The following KCNIP3 variants were observed in gnomAD, a reference collection of about 807,000 sequenced individuals.
KCNIP3 encodes the protein calsenilin.
Under a neutral mutation model 35.0 loss-of-function variants are expected in KCNIP3, and 28 were observed. The ratio of observed to expected loss-of-function variants is 0.80; its 90% confidence interval spans 0.59 to 1.10. KCNIP3 has a LOEUF of 1.10. Ranked by LOEUF, KCNIP3 falls within the 50% of genes least tolerant of loss-of-function variation. The probability of loss-of-function intolerance (pLI) is 0.00; values close to 1 mark genes in which losing one functional copy is unlikely to be tolerated. For missense variants in KCNIP3, 295 were observed against 338.4 expected (o/e 0.87, Z 1.01); for synonymous variants, 134 against 133.8 (o/e 1.00, Z -0.01).
chr2:95,374,037 G>A (rs911142537), intron 2 of KCNIP3, among the ~76,000 whole-genome samples: 16 of 152,204 alleles, frequency 1.1e-4, no homozygotes, highest in Non-Finnish European at 2.2e-4. Flanking sequence ...CCCACTGTGC[G>A]GCTGACAGGG....
At chr2:95,371,860 A>C (rs1459435012) in intron 2 of KCNIP3, among the ~76,000 whole-genome samples, 7 of 143,414 alleles carry the variant, frequency 4.9e-5, no homozygotes, top group African/African-American at 1.0e-4. Flanking sequence ...GCTGGAGTGT[A>C]ATGGCGCGAT....
At chr2:95,302,990 T>C (rs1432337260) in intron 1 of KCNIP3, 2 of 152,650 alleles carry the variant, frequency 1.3e-5, no homozygotes, top group African/African-American at 4.8e-5. Context: ...CTGGATACTT[T>C]AACGCAGGTT....
rs1407266541 is a variant in KCNIP3 at position 95,378,821 on chromosome 2, C to T, written c.448-2775C>T. ...ATATATATATATACACACACACACA[C>T]ATATATACACACATATTTATATACA... On this transcript the variant is annotated intron_variant, in intron 5 of 8. Transcript: ENST00000295225. The surrounding 1 kb of genome is among the most constrained non-coding windows in gnomAD (Gnocchi z 4.0). 1.3e-5 allele frequency among the ~76,000 whole-genome samples: 2 copies of T among 150,544 alleles called. No individual in the cohort carries two copies. Among genetic ancestry groups the T allele is most frequent in the African/African-American group, 2.5e-5 (1 of 40,668 alleles).
chr2:95,374,734 C>A, intron 3 of KCNIP3, 114 bp from the exon 4 acceptor site: 4 of 1,264,148 alleles, frequency 3.2e-6, no homozygotes, highest in Non-Finnish European at 4.5e-6. Flanking sequence ...CCCAGCAGTG[C>A]CACAGGCAGC....
intron 2 of KCNIP3, among the ~76,000 whole-genome samples, chr2:95,349,350 C>A (rs1466725582): frequency 3.3e-5 from 5 of 152,190 alleles, no homozygotes. Context: ...GTCTCTTGTC[C>A]TCTCTGAGCC....
chr2:95,335,831 T>G (rs1679047382), intron 2 of KCNIP3, among the ~76,000 whole-genome samples: 1 of 152,238 alleles, frequency 6.6e-6, no homozygotes, highest in African/African-American at 2.4e-5. Flanking sequence ...TTAGACTTTT[T>G]TACTTCGACC....
At chr2:95,328,560 G>A (rs535646227) in intron 2 of KCNIP3, among the ~76,000 whole-genome samples, 3 of 152,380 alleles carry the variant, frequency 2.0e-5, no homozygotes, top group Admixed American at 1.3e-4. Context: ...GCTTAGGTGC[G>A]TGTACCCATG....
intron 2 of KCNIP3, among the ~76,000 whole-genome samples, chr2:95,326,286 C>T (rs1678786673): frequency 6.6e-6 from 1 of 151,900 alleles, no homozygotes; most frequent in Admixed American, 6.6e-5. Flanking sequence ...ACTACACATA[C>T]ACACTCATTA....
intron 2 of KCNIP3, among the ~76,000 whole-genome samples, chr2:95,322,800 C>T (rs1377837057): frequency 6.6e-6 from 1 of 152,206 alleles, no homozygotes; most frequent in Non-Finnish European, 1.5e-5. Flanking sequence ...CGGGACGGGG[C>T]CTGCCTTCAA....
Position 95,383,306 on chromosome 2 carries a change from G to A in KCNIP3, c.723+12G>A, listed in dbSNP as rs551818698. The A allele has an allele frequency of 7.3e-4, 1,169 of 1,612,392 alleles. 16 individuals are homozygous for A. In the South Asian group the frequency reaches 0.012, roughly 17 times the overall value. ...AGGCCTGTCAGAAGGTAGGTGGCAC[G>A]GGAGGCTGGGCCACAGTTCTCTGCA... On this transcript the variant is annotated intron_variant, in intron 8 of 8. Transcript: ENST00000295225.
intron 2 of KCNIP3, among the ~76,000 whole-genome samples, chr2:95,363,537 GTTAT>G (rs575683635): frequency 6.7e-4 from 101 of 151,708 alleles, no homozygotes; most frequent in Non-Finnish European, 9.0e-4. Context: ...CTCCTCCCTT[GTTAT>G]TTTTCTTTTT....
chr2:95,365,630 T>C (rs1679899057), intron 2 of KCNIP3, among the ~76,000 whole-genome samples: 1 of 152,222 alleles, frequency 6.6e-6, no homozygotes, highest in Middle Eastern at 3.4e-3. Flanking sequence ...GGGGAAAATA[T>C]GGTCAAGGAG....
chr2:95,314,170 G>A (rs1678396969), intron 2 of KCNIP3, among the ~76,000 whole-genome samples: 1 of 152,112 alleles, frequency 6.6e-6, no homozygotes, highest in Non-Finnish European at 1.5e-5. Flanking sequence ...AGGGGTAGCA[G>A]AAAGGCATCG....
chr2:95,346,488 G>A (rs1044337833), intron 2 of KCNIP3, among the ~76,000 whole-genome samples: 12 of 149,632 alleles, frequency 8.0e-5, no homozygotes, highest in Non-Finnish European at 1.5e-4. Context: ...GGGCAGGCGC[G>A]GGGGGGCCGC....
chr2:95,328,823 A>G (rs1389292631), intron 2 of KCNIP3, among the ~76,000 whole-genome samples: 1 of 152,148 alleles, frequency 6.6e-6, no homozygotes, highest in Non-Finnish European at 1.5e-5. Flanking sequence ...AGGAAGAAAC[A>G]CAGGTCAGAT....
chr2:95,358,424 G>A (rs1432793867), intron 2 of KCNIP3, among the ~76,000 whole-genome samples: 1 of 152,204 alleles, frequency 6.6e-6, no homozygotes, highest in African/African-American at 2.4e-5. Flanking sequence ...TAGTCTGTCA[G>A]GCTGCTGTAC....
intron 2 of KCNIP3, among the ~76,000 whole-genome samples, chr2:95,339,002 A>T (rs1679128338): frequency 6.6e-6 from 1 of 152,218 alleles, no homozygotes; most frequent in South Asian, 2.1e-4. Flanking sequence ...GTACAGGCCG[A>T]TGGGACACAG....
In KCNIP3 at chr2:95,329,661, G is replaced by C. The variant is rs185159886; in HGVS notation, c.181+19141G>C. On this transcript the variant is annotated intron_variant, in intron 2 of 8. Coordinates refer to ENST00000295225, the MANE Select transcript of KCNIP3 (RefSeq NM_013434.5). ...CGGGAGTGGGGGGACCCGGGAGCAG[G>C]CTGAAGCTGTGCCCTCTGGCTGGCC... Among the ~76,000 whole-genome samples the C allele has an allele frequency of 4.7e-3, 720 of 152,346 alleles. 5 individuals carry two copies. The highest frequency in any genetic ancestry group is 0.016 in the African/African-American group (681 of 41,588).
intron 5 of KCNIP3, among the ~76,000 whole-genome samples, chr2:95,380,999 A>C (rs886958275): frequency 6.6e-6 from 1 of 152,152 alleles, no homozygotes; most frequent in African/African-American, 2.4e-5. Context: ...TCTGTCTCTA[A>C]AAACAACAAC....
Sources: allele counts gnomAD v4.1 joint callset (sites outside exome capture counted in the v4.1 genomes callset), GRCh38; gene constraint gnomAD v4.1.1; non-coding constraint Gnocchi (gnomAD v3.1); transcripts MANE v1.5; gene names NCBI Gene and HGNC (gene_info 2026-07-23, HGNC 2026-07-21).